Variants in PRKD1 observed in about 807,000 individuals in gnomAD.
PRKD1 encodes the protein serine/threonine-protein kinase D1.
PRKD1 carries 63 observed loss-of-function variants against 95.9 expected under a neutral mutation model. The ratio of observed to expected loss-of-function variants is 0.66; its 90% CI spans 0.54 to 0.81. The LOEUF (loss-of-function observed/expected upper bound fraction) is 0.81, where lower values mean the gene tolerates loss of function less well. Ranked by LOEUF, PRKD1 falls within the 30% of genes least tolerant of loss-of-function variation. The probability of loss-of-function intolerance (pLI) is 0.00; values close to 1 mark genes in which losing one functional copy is unlikely to be tolerated. For synonymous variants in PRKD1, 425 were observed against 423.1 expected (o/e 1.00, Z -0.05); for missense variants, 1,048 against 1,165.3 (o/e 0.90, Z 1.47).
At chr14:29,722,172 T>C (rs1389895725) in intron 2 of PRKD1, among the ~76,000 whole-genome samples, 1 of 152,206 alleles carries the variant, frequency 6.6e-6, no homozygotes, top group Admixed American at 6.5e-5. Flanking sequence ...AACCAGGTTA[T>C]GTTTACATCA....
chr14:29,728,334 C>A (rs1030015837), intron 1 of PRKD1, among the ~76,000 whole-genome samples: 5 of 152,116 alleles, frequency 3.3e-5, no homozygotes, highest in Non-Finnish European at 5.9e-5. Context: ...GTGGATAAAT[C>A]TATGAGTCTT....
chr14:29,745,245 A>T (rs1887159086), intron 1 of PRKD1, among the ~76,000 whole-genome samples: 1 of 152,100 alleles, frequency 6.6e-6, no homozygotes, highest in Non-Finnish European at 1.5e-5. Flanking sequence ...CTACACTTCT[A>T]TGATATATCT....
chr14:29,598,936 T>C, intron 15 of PRKD1, 91 bp downstream of exon 15: 2 of 1,104,566 alleles, frequency 1.8e-6, no homozygotes, highest in Non-Finnish European at 2.7e-6. Context: ...AAATAAAGGT[T>C]TTAAGGGAAA....
intron 1 of PRKD1, among the ~76,000 whole-genome samples, chr14:29,758,378 A>C (rs1273820434): frequency 6.6e-6 from 1 of 152,180 alleles, no homozygotes; most frequent in Non-Finnish European, 1.5e-5. Flanking sequence ...GACCCAGGAC[A>C]CCCAAAACTA....
chr14:29,600,003 A>C (rs1283217917), intron 13 of PRKD1, among the ~76,000 whole-genome samples, 186 bp from the exon 14 acceptor site: 1 of 152,212 alleles, frequency 6.6e-6, no homozygotes, highest in Non-Finnish European at 1.5e-5. Flanking sequence ...CAAAAAATAC[A>C]TCTTTACTTT....
At chr14:29,830,888 T>C (rs1220213014) in intron 1 of PRKD1, among the ~76,000 whole-genome samples, 1 of 152,140 alleles carries the variant, frequency 6.6e-6, no homozygotes, top group East Asian at 1.9e-4. Context: ...TTTCGCCATA[T>C]TGCCCAGGCT....
At chr14:29,655,548 A>G (rs1881783680) in intron 4 of PRKD1, among the ~76,000 whole-genome samples, 1 of 152,174 alleles carries the variant, frequency 6.6e-6, no homozygotes, top group Admixed American at 6.5e-5. Context: ...AAGGTATAGA[A>G]ATAAAAGACA....
intron 1 of PRKD1, among the ~76,000 whole-genome samples, chr14:29,918,230 T>G (rs1894960398): frequency 6.6e-6 from 1 of 152,148 alleles, no homozygotes; most frequent in African/African-American, 2.4e-5. Context: ...TATATAATTT[T>G]TATTAGTAAA....
intron 2 of PRKD1, among the ~76,000 whole-genome samples, chr14:29,680,554 G>T (rs1013610829): frequency 2.0e-4 from 31 of 152,160 alleles, no homozygotes; most frequent in African/African-American, 6.5e-4. Flanking sequence ...TTTATTGTTG[G>T]AGTTGTTTTA....
intron 1 of PRKD1, among the ~76,000 whole-genome samples, chr14:29,827,412 A>C (rs1891241935): frequency 6.6e-6 from 1 of 151,970 alleles, no homozygotes; most frequent in Non-Finnish European, 1.5e-5. Context: ...TTGGATGCAT[A>C]CTCTGGACTC....
chr14:29,584,172 A>G (rs538946376), intron 16 of PRKD1, among the ~76,000 whole-genome samples: 2 of 152,290 alleles, frequency 1.3e-5, no homozygotes, highest in African/African-American at 4.8e-5. Flanking sequence ...TATAGATTCC[A>G]TTTTTTCTAA....
At chr14:29,692,109 T>C (rs950564470) in intron 2 of PRKD1, among the ~76,000 whole-genome samples, 2 of 152,198 alleles carry the variant, frequency 1.3e-5, no homozygotes, top group South Asian at 2.1e-4. Context: ...AATATTCCTA[T>C]GTGTGAGTCA....
rs771807174 is a variant in PRKD1, at chr14:29,725,652, C to T, written c.287G>A (p.Gly96Glu). ...AAAAAGCAGGATCTTATCATACATT[C>T]CGTAGAAACCACATTCAGGGAACTG... Reference protein sequence around the residue: ...DQKFPECGFYGMYDKILLFRH... With the variant: ...DQKFPECGFYEMYDKILLFRH... Residue 96 changes from glycine to glutamate, a missense_variant, in exon 2 of 18, where the codon GGA becomes GAA. Coordinates refer to ENST00000331968, the MANE Select transcript of PRKD1 (RefSeq NM_002742.3). The T allele has an allele frequency of 2.8e-5, 45 of 1,613,354 alleles. No homozygotes were observed. The highest frequency in any genetic ancestry group is 2.2e-5 in the South Asian group (2 of 91,036).
chr14:29,820,925 T>C (rs1201196003), intron 1 of PRKD1, among the ~76,000 whole-genome samples: 6 of 152,126 alleles, frequency 3.9e-5, no homozygotes, highest in Non-Finnish European at 8.8e-5. Context: ...CCACTGATTG[T>C]GTAGGATGAG....
chr14:29,578,172 A>T, intron 17 of PRKD1, 103 bp downstream of exon 17: 1 of 886,654 alleles, frequency 1.1e-6, no homozygotes, highest in South Asian at 1.6e-5. Flanking sequence ...TGATATTAGA[A>T]TAATCACACT....
intron 1 of PRKD1, among the ~76,000 whole-genome samples, chr14:29,773,894 C>T (rs1186467116): frequency 6.6e-6 from 1 of 152,186 alleles, no homozygotes; most frequent in Non-Finnish European, 1.5e-5. Context: ...GACACTGTGG[C>T]TTCTACCCTC....
At chr14:29,749,165 T>C (rs552504456) in intron 1 of PRKD1, among the ~76,000 whole-genome samples, 1 of 152,330 alleles carries the variant, frequency 6.6e-6, no homozygotes, top group Admixed American at 6.5e-5. Context: ...AATAAGCTTT[T>C]GCACAACAGG....
intron 1 of PRKD1, among the ~76,000 whole-genome samples, chr14:29,745,696 C>T (rs1040869681): frequency 6.6e-6 from 1 of 151,868 alleles, no homozygotes; most frequent in African/African-American, 2.4e-5. Flanking sequence ...AGGCTGGTCT[C>T]AAACATCTGG....
At chr14:29,730,961 A>G (rs1886404809) in intron 1 of PRKD1, among the ~76,000 whole-genome samples, 1 of 152,122 alleles carries the variant, frequency 6.6e-6, no homozygotes, top group Non-Finnish European at 1.5e-5. Context: ...TAATAATATT[A>G]TATTGTATTT....
Sources: gnomAD v4.1 joint callset for allele counts (sites outside exome capture counted in the v4.1 genomes callset) on GRCh38, gnomAD v4.1.1 for gene constraint, MANE v1.5 for transcripts, NCBI Gene and HGNC (gene_info 2026-07-23, HGNC 2026-07-21) for gene names.